CACNA1A: variants seen among roughly 807,000 people sequenced by gnomAD.
The protein encoded by CACNA1A is voltage-dependent P/Q-type calcium channel subunit alpha-1A.
In CACNA1A, 57 loss-of-function variants were observed where a neutral mutation model predicts 262.4. That is an observed-to-expected ratio of 0.22 (90% CI 0.18 to 0.27). The LOEUF (loss-of-function observed/expected upper bound fraction) is 0.27. Among genes scored for constraint, CACNA1A ranks in the 10% least tolerant of loss-of-function variants. The pLI is 1.00. For synonymous variants in CACNA1A, 1,431 were observed against 1,419.3 expected (o/e 1.01, Z -0.18); for missense variants, 2,526 against 3,562.8 (o/e 0.71, Z 7.41).
chr19:13,322,478 A>T (rs10415742), intron 10 of CACNA1A, among the ~76,000 whole-genome samples: 18 of 151,976 alleles, frequency 1.2e-4, no homozygotes, highest in Non-Finnish European at 2.4e-4. Context: ...TGGGTTTGTG[A>T]CATTTTGTAA....
chr19:13,399,008 G>T (rs529298096), intron 3 of CACNA1A, among the ~76,000 whole-genome samples: 1 of 152,234 alleles, frequency 6.6e-6, no homozygotes, highest in Admixed American at 6.5e-5. Flanking sequence ...TGCGATCCCA[G>T]GAGGGCTTGA....
chr19:13,495,427 G>T (rs1006239220), intron 1 of CACNA1A, among the ~76,000 whole-genome samples: 3 of 152,082 alleles, frequency 2.0e-5, no homozygotes, highest in Non-Finnish European at 4.4e-5. Flanking sequence ...CTCCCAGGTA[G>T]CTGGGACTAC....
At chr19:13,432,416 AAAAT>A (rs201856945) in intron 3 of CACNA1A, among the ~76,000 whole-genome samples, 1,754 of 144,910 alleles carry the variant, frequency 0.012, 38 homozygotes, top group African/African-American at 0.04. Context: ...CTCCATCTCA[AAAAT>A]AAATAAATAA....
chr19:13,394,868 T>C (rs948157919), intron 3 of CACNA1A, among the ~76,000 whole-genome samples: 2 of 152,182 alleles, frequency 1.3e-5, no homozygotes, highest in African/African-American at 4.8e-5. Context: ...CCCTCTTCCC[T>C]AAGGCGGGTC....
chr19:13,248,530 CAGA>C (rs113011971), intron 30 of CACNA1A, among the ~76,000 whole-genome samples: 5,049 of 150,932 alleles, frequency 0.033, 265 homozygotes, highest in African/African-American at 0.11. Flanking sequence ...ACTTCACCAG[CAGA>C]AGATCAACTC....
At position 13,375,206 on chromosome 19, in the gene CACNA1A, TG is replaced by T. The variant is rs537699888; in HGVS notation, c.540-3428del. Among the ~76,000 whole-genome samples, 72 of 152,294 alleles carry T rather than the reference TG, an allele frequency of 4.7e-4. 1 individual carries two copies. Among genetic ancestry groups the T allele is most frequent in the African/African-American group, 1.5e-3 (64 of 41,574 alleles). On this transcript the variant is annotated intron_variant, in intron 3 of 46. Coordinates refer to ENST00000360228, the MANE Select transcript of CACNA1A (RefSeq NM_001127222.2). ...GTGGTCTGTGATCAGTGATCTTTGATGTGACTATAGTCATTGTTTGGGGGTG... is the reference window on the plus strand; with the variant it reads ...GTGGTCTGTGATCAGTGATCTTTGATTGACTATAGTCATTGTTTGGGGGTG...
At chr19:13,474,620 C>T (rs1227207369) in intron 1 of CACNA1A, among the ~76,000 whole-genome samples, 10 of 152,128 alleles carry the variant, frequency 6.6e-5, no homozygotes, top group Non-Finnish European at 1.3e-4. Flanking sequence ...AGTTCGAGAC[C>T]AGCCTGGCCA....
chr19:13,285,934 T>A (rs2057386266), intron 20 of CACNA1A, among the ~76,000 whole-genome samples: 1 of 146,546 alleles, frequency 6.8e-6, no homozygotes, highest in African/African-American at 2.5e-5. Context: ...TAAGACATAA[T>A]CCACCCAGCA....
intron 1 of CACNA1A, among the ~76,000 whole-genome samples, chr19:13,459,060 A>C (rs1005712938): frequency 2.6e-5 from 4 of 152,116 alleles, no homozygotes; most frequent in African/African-American, 9.7e-5. Context: ...CCTCCTGTCC[A>C]GTGATGACAA....
intron 30 of CACNA1A, among the ~76,000 whole-genome samples, chr19:13,246,057 C>A (rs2056226303): frequency 1.3e-5 from 2 of 152,178 alleles, no homozygotes. Flanking sequence ...TGAACCCAGG[C>A]CTCAGAGAGC....
At chr19:13,350,113 C>G (rs969575122) in intron 6 of CACNA1A, among the ~76,000 whole-genome samples, 2 of 152,196 alleles carry the variant, frequency 1.3e-5, no homozygotes, top group African/African-American at 4.8e-5. Context: ...TGGGTATGGA[C>G]AGAAACTCAC....
chr19:13,297,768 G>A lies in CACNA1A; in HGVS notation c.3089+776C>T, dbSNP rs564834883. On this transcript the variant is annotated intron_variant, in intron 19 of 46. Coordinates refer to ENST00000360228, the MANE Select transcript of CACNA1A (RefSeq NM_001127222.2). ...GTAGAGGCTGCACTGAGCTATGACT[G>A]CCACTGCACTCCAGCCTGGGCAACA... 2.0e-5 allele frequency among the ~76,000 whole-genome samples: 3 copies of A among 152,190 alleles called. No homozygotes were observed. The South Asian group carries it at 6.2e-4, about 32-fold the overall frequency.
At chr19:13,457,119 C>T (rs998078488) in intron 1 of CACNA1A, among the ~76,000 whole-genome samples, 2 of 151,954 alleles carry the variant, frequency 1.3e-5, no homozygotes, top group African/African-American at 2.4e-5. Context: ...GGCATAGTGG[C>T]GCAGGCCTGT....
intron 3 of CACNA1A, among the ~76,000 whole-genome samples, chr19:13,401,475 G>A (rs972163197): frequency 3.9e-5 from 6 of 152,156 alleles, no homozygotes; most frequent in African/African-American, 1.4e-4. Context: ...TGAATCCCTG[G>A]TGCAAACATG....
intron 38 of CACNA1A, among the ~76,000 whole-genome samples, chr19:13,224,131 T>C (rs1380091637): frequency 6.6e-6 from 1 of 151,874 alleles, no homozygotes; most frequent in East Asian, 1.9e-4. Flanking sequence ...GAGACCAGCC[T>C]GGCCAACATG....
At chr19:13,446,502 C>T (rs2060816322) in intron 3 of CACNA1A, among the ~76,000 whole-genome samples, 1 of 142,664 alleles carries the variant, frequency 7.0e-6, no homozygotes, top group South Asian at 2.2e-4. Context: ...AGTGCAGTGG[C>T]ACAATCTCAG....
chr19:13,230,695 T>C (rs1187079554), intron 35 of CACNA1A, among the ~76,000 whole-genome samples: 2 of 151,886 alleles, frequency 1.3e-5, no homozygotes, highest in Non-Finnish European at 2.9e-5. Context: ...TAATCCCAGC[T>C]ACTTGGGAGG....
chr19:13,441,596 G>A (rs553806114), intron 3 of CACNA1A, among the ~76,000 whole-genome samples: 6 of 151,654 alleles, frequency 4.0e-5, no homozygotes, highest in South Asian at 2.1e-4. Context: ...CCTGGGAGGC[G>A]GAGGCTGCAG....
In CACNA1A at chr19:13,286,867, C is replaced by T. The variant is rs2057413345; in HGVS notation, c.3189G>A (p.Glu1063=). 16 of 1,613,632 alleles carry T rather than the reference C, an allele frequency of 9.9e-6. No individual in the cohort carries two copies. The highest frequency in any genetic ancestry group is 3.3e-5 in the South Asian group (3 of 91,078). Reference sequence around the variant, plus strand: ...TGTTGTTCTTCATGTTGTCAATATCCTCTGCCAGGGGTGGGTCTTGGCGGC... The same window carrying T: ...TGTTGTTCTTCATGTTGTCAATATCTTCTGCCAGGGGTGGGTCTTGGCGGC... The part of the protein sequence containing the change: ...DLGRQDPPLA[E]DIDNMKNNKL... The change falls in exon 20 of 47, where the codon GAG becomes GAA. Residue 1063 remains glutamate, a synonymous_variant. Coordinates refer to ENST00000360228, the MANE Select transcript of CACNA1A (RefSeq NM_001127222.2).
Sources: allele counts gnomAD v4.1 joint callset (sites outside exome capture counted in the v4.1 genomes callset), GRCh38; gene constraint gnomAD v4.1.1; transcripts MANE v1.5; gene names NCBI Gene and HGNC (gene_info 2026-07-23, HGNC 2026-07-21).